Variants in CEP170 observed in about 807,000 individuals in gnomAD.
CEP170 encodes the protein centrosomal protein of 170 kDa.
In CEP170, 21 loss-of-function variants were observed where a neutral mutation model predicts 151.9. That is an observed-to-expected ratio of 0.14 (90% CI 0.10 to 0.20). The LOEUF is 0.20. CEP170 is among the 10% of genes least tolerant of loss of function. The probability of loss-of-function intolerance (pLI) is 1.00; values close to 1 mark genes in which losing one functional copy is unlikely to be tolerated. For missense variants in CEP170, 964 were observed against 1,892.9 expected, an observed-to-expected ratio of 0.51 and a Z score of 9.11; for synonymous variants, 356 against 648.8, an observed-to-expected ratio of 0.55 and a Z score of 6.86.
At chr1:243,146,584 T>G (rs1001990938) in intron 14 of CEP170, among the ~76,000 whole-genome samples, 1 of 152,028 alleles carries the variant, frequency 6.6e-6, no homozygotes, top group African/African-American at 2.4e-5. Context: ...TATTTTTCCT[T>G]CTAAGTGATT....
chr1:243,254,622 C>T (rs970191543), intron 1 of CEP170, among the ~76,000 whole-genome samples: 1 of 152,250 alleles, frequency 6.6e-6, no homozygotes, highest in African/African-American at 2.4e-5. Context: ...GCAGCGCAGC[C>T]ATTCCCTCCA....
At chr1:243,245,748 CA>C (rs933609213) in intron 1 of CEP170, among the ~76,000 whole-genome samples, 4 of 150,298 alleles carry the variant, frequency 2.7e-5, no homozygotes, top group African/African-American at 7.4e-5. Flanking sequence ...AAACAAAAAA[CA>C]AAAAACAAAA....
At chr1:243,189,552 T>C (rs1160311101) in intron 8 of CEP170, among the ~76,000 whole-genome samples, 1 of 133,314 alleles carries the variant, frequency 7.5e-6, no homozygotes, top group Admixed American at 7.9e-5. Context: ...CGAGACTCTG[T>C]CTCCAAAAAA....
intron 14 of CEP170, among the ~76,000 whole-genome samples, chr1:243,146,636 T>C (rs960865304): frequency 8.1e-5 from 12 of 148,098 alleles, no homozygotes; most frequent in Non-Finnish European, 1.3e-4. Flanking sequence ...AGAACAAGTA[T>C]AGTGGTTCAA....
chr1:243,206,576 G>C (rs1169835428), intron 4 of CEP170, among the ~76,000 whole-genome samples: 4 of 152,206 alleles, frequency 2.6e-5, no homozygotes, highest in Non-Finnish European at 4.4e-5. Flanking sequence ...TGAAAATATG[G>C]ATCTGTACAA....
intron 1 of CEP170, among the ~76,000 whole-genome samples, chr1:243,233,068 T>C (rs1281551069): frequency 1.3e-5 from 2 of 152,216 alleles, no homozygotes; most frequent in Non-Finnish European, 2.9e-5. Flanking sequence ...TAAAAAATCC[T>C]AGTTATAGTC....
chr1:243,147,633 G>A (rs1415490124), intron 14 of CEP170, among the ~76,000 whole-genome samples: 1 of 152,094 alleles, frequency 6.6e-6, no homozygotes, highest in Non-Finnish European at 1.5e-5. Context: ...TTCCATATAT[G>A]GATCCTTGAA....
chr1:243,218,112 G>C (rs2062467923), intron 3 of CEP170, among the ~76,000 whole-genome samples: 1 of 152,210 alleles, frequency 6.6e-6, no homozygotes, highest in African/African-American at 2.4e-5. Flanking sequence ...AAAGTGAACA[G>C]AGCACAACCA....
intron 13 of CEP170, among the ~76,000 whole-genome samples, chr1:243,162,393 C>G (rs1209380160): frequency 3.9e-5 from 6 of 152,028 alleles, no homozygotes; most frequent in Non-Finnish European, 8.8e-5. Flanking sequence ...AGAGAATAAC[C>G]CTTCTAACTT....
At chr1:243,190,987 T>C (rs2060276246) in intron 8 of CEP170, 31 bp downstream of exon 8, 5 of 1,480,334 alleles carry the variant, frequency 3.4e-6, no homozygotes, top group Admixed American at 2.7e-5. Context: ...TATCGTAAAG[T>C]AGGAAGTTCT....
chr1:243,137,407 T>C (rs2055221136), intron 16 of CEP170, among the ~76,000 whole-genome samples: 1 of 152,142 alleles, frequency 6.6e-6, no homozygotes, highest in Non-Finnish European at 1.5e-5. Flanking sequence ...GGGAATACGA[T>C]TACATGTTTT....
At chr1:243,140,316 T>C (rs942094202) in intron 15 of CEP170, 1 of 737,318 alleles carries the variant, frequency 1.4e-6, no homozygotes. Flanking sequence ...TACACAGGTT[T>C]TATTTTCAAA....
intron 10 of CEP170, among the ~76,000 whole-genome samples, chr1:243,184,748 C>A (rs1246022211): frequency 6.6e-6 from 1 of 151,916 alleles, no homozygotes; most frequent in Non-Finnish European, 1.5e-5. Context: ...TTGCCCTCCT[C>A]CCTGAAGAGG....
At chr1:243,235,911 G>A (rs1392075823) in intron 1 of CEP170, among the ~76,000 whole-genome samples, 1 of 152,108 alleles carries the variant, frequency 6.6e-6, no homozygotes, top group Non-Finnish European at 1.5e-5. Context: ...AAATTATCTA[G>A]GCATTAAAAA....
intron 10 of CEP170, among the ~76,000 whole-genome samples, chr1:243,177,297 C>A (rs949573127): frequency 5.9e-5 from 9 of 152,120 alleles, no homozygotes; most frequent in African/African-American, 2.2e-4. Flanking sequence ...AGCAATAGTG[C>A]TAATTTATTA....
In CEP170 at chr1:243,134,407, T is replaced by C. The variant is rs189394351; in HGVS notation, c.4319+1736A>G. Among the ~76,000 whole-genome samples, 191 of 152,284 alleles carry C rather than the reference T, an allele frequency of 1.3e-3. 2 individuals are homozygous for C. Among genetic ancestry groups the C allele is most frequent in the African/African-American group, 4.3e-3 (179 of 41,562 alleles). Reference sequence around the variant, plus strand: ...AGGTAAATTCCCTTTAAAAAAACAATGGATAGGTACGTAATGGTAGTCATT... The same window carrying C: ...AGGTAAATTCCCTTTAAAAAAACAACGGATAGGTACGTAATGGTAGTCATT... On this transcript the variant is annotated intron_variant, in intron 17 of 19. Transcript: ENST00000366542.
intron 1 of CEP170, among the ~76,000 whole-genome samples, chr1:243,225,557 G>A (rs572721141): frequency 1.2e-3 from 187 of 152,246 alleles, no homozygotes; most frequent in African/African-American, 4.3e-3. Flanking sequence ...CAGTAAGTGG[G>A]TGCTCAACTA....
chr1:243,232,211 C>T (rs1020013522), intron 1 of CEP170, among the ~76,000 whole-genome samples: 5 of 152,098 alleles, frequency 3.3e-5, no homozygotes, highest in East Asian at 1.9e-4. Flanking sequence ...GCAATCCACC[C>T]GCTTCAGCCT....
chr1:243,170,184 G>A (rs1249887242), intron 11 of CEP170, among the ~76,000 whole-genome samples: 4 of 151,674 alleles, frequency 2.6e-5, no homozygotes, highest in African/African-American at 4.8e-5. Flanking sequence ...TCAGGAGATC[G>A]AGACCACCCT....
Sources: allele counts gnomAD v4.1 joint callset (sites outside exome capture counted in the v4.1 genomes callset), GRCh38; gene constraint gnomAD v4.1.1; transcripts MANE v1.5; gene names NCBI Gene and HGNC (gene_info 2026-07-23, HGNC 2026-07-21).